Variants in CROCC2 observed in about 807,000 individuals in gnomAD.
CROCC2 encodes the protein ciliary rootlet coiled-coil, rootletin family member 2.
A neutral mutation model predicts 177.6 loss-of-function variants in CROCC2; 163 were observed. The ratio of observed to expected loss-of-function variants is 0.92; its 90% CI spans 0.81 to 1.05. CROCC2 has a LOEUF of 1.05. Among genes scored for constraint, CROCC2 ranks in the 50% least tolerant of loss-of-function variants. CROCC2 has a pLI of 0.00. For synonymous variants in CROCC2, 904 were observed against 787.3 expected (o/e 1.15, Z -2.48); for missense variants, 1,929 against 1,797.8 (o/e 1.07, Z -1.32).
chr2:240,959,297 G>A lies in CROCC2; in HGVS notation c.2944-4G>A, dbSNP rs938046069. 11 of 1,549,792 alleles carry A rather than the reference G, an allele frequency of 7.1e-6. No homozygotes were observed. Among genetic ancestry groups the A allele is most frequent in the South Asian group, 1.2e-5 (1 of 84,014 alleles). ...TGCCACCGTGGGCTCCCTTCTCCCCGCAGGCCACCATCAGTGCCACGACTG... is the reference window on the plus strand; with the variant it reads ...TGCCACCGTGGGCTCCCTTCTCCCCACAGGCCACCATCAGTGCCACGACTG... On this transcript the variant is annotated splice_region_variant and splice_polypyrimidine_tract_variant and intron_variant, in intron 19 of 31. Coordinates refer to ENST00000690015, the MANE Select transcript of CROCC2 (RefSeq NM_001351305.2).
At position 240,989,745 on chromosome 2, in the gene CROCC2, G is replaced by A. The variant is rs557569862; in HGVS notation, c.4775G>A (p.Arg1592His). The change falls in exon 30 of 32, where the codon CGT becomes CAT. Residue 1592 changes from arginine to histidine, a missense_variant. Physicochemically the swap from Arg to His is conservative, Grantham distance 29 (BLOSUM62 0). This residue lies in a region of CROCC2 where 388 missense variants were observed against 352.7 expected (regional missense o/e 1.10). Coordinates refer to ENST00000690015, the MANE Select transcript of CROCC2 (RefSeq NM_001351305.2). ...CGGGACCTGGCCACAGAGGCAGAGCGTCTCCATGGGGCCCGGCCGCAGGCC... is the reference window on the plus strand; with the variant it reads ...CGGGACCTGGCCACAGAGGCAGAGCATCTCCATGGGGCCCGGCCGCAGGCC... The part of the protein sequence containing the change: ...HQRDLATEAE[R>H]LHGARPQATQ... The A allele has an allele frequency of 9.4e-5, 145 of 1,550,358 alleles. No homozygotes were observed. The highest frequency in any genetic ancestry group is 2.0e-4 in the African/African-American group (15 of 73,192).
rs188708075 is a variant in CROCC2, at chr2:240,993,217, A to G, written c.*136A>G. On this transcript the variant is annotated 3_prime_UTR_variant, in exon 32 of 32. Transcript: ENST00000690015. ...GAGACAGCTCGCTCTCGGCAGTTTCAGGACCCTCCTTGCCCTGGCTGCTCA... is the reference window on the plus strand; with the variant it reads ...GAGACAGCTCGCTCTCGGCAGTTTCGGGACCCTCCTTGCCCTGGCTGCTCA... 4,692 of 629,598 alleles carry G rather than the reference A, an allele frequency of 7.5e-3. 42 individuals carry two copies. Among genetic ancestry groups the G allele is most frequent in the Non-Finnish European group, 7.9e-3 (2,659 of 336,856 alleles). 39.0% of individuals were successfully genotyped at this position (629,598 alleles called of 1,614,324 possible).
intron 4 of CROCC2, among the ~76,000 whole-genome samples, chr2:240,923,524 C>T (rs1299399929): frequency 1.8e-5 from 1 of 54,850 alleles, no homozygotes. Flanking sequence ...ACTAACCCAG[C>T]CCCCCACACT....
chr2:240,964,118 G>T, intron 21 of CROCC2: 1 of 534,406 alleles, frequency 1.9e-6, no homozygotes, highest in Non-Finnish European at 3.4e-6. Flanking sequence ...AGGCCCCTGT[G>T]GGGCAGCTGG....
chr2:240,918,818 C>T lies in CROCC2; in HGVS notation c.171C>T (p.Pro57=), dbSNP rs116685065. 9 of 624,314 alleles carry T rather than the reference C, an allele frequency of 1.4e-5. No homozygotes were observed. Among genetic ancestry groups the T allele is most frequent in the East Asian group, 3.0e-5 (1 of 33,550 alleles). The allele number at this position is 624,314 out of a possible 1,614,324, so 38.7% of individuals were successfully genotyped here. The change falls in exon 2 of 32, where the codon CCC becomes CCT. Residue 57 remains proline (P), a synonymous_variant. Coordinates refer to ENST00000690015, the MANE Select transcript of CROCC2 (RefSeq NM_001351305.2). This position sits in a 1 kb window ranked among gnomAD's most constrained non-coding sequence, Gnocchi z 6.3. ...AAGGCCGGCAGGCCTCGCCCACCCCCGTGCCCACCCGCATCCGTGAGATCG... is the reference window on the plus strand; with the variant it reads ...AAGGCCGGCAGGCCTCGCCCACCCCTGTGCCCACCCGCATCCGTGAGATCG... The part of the protein sequence containing the change: ...RGEGRQASPT[P]VPTRIREIVA...
At chr2:240,963,411 C>T (rs1201355040) in intron 20 of CROCC2, 145 bp from the exon 21 acceptor site, 1 of 824,024 alleles carries the variant, frequency 1.2e-6, no homozygotes. Flanking sequence ...GGATTGGTGG[C>T]TCCATGGGGT....
At position 240,964,529 on chromosome 2, in the gene CROCC2, G is replaced by A. The variant is rs185664112; in HGVS notation, c.3369G>A (p.Ala1123=). Residue 1123 remains alanine (A), a synonymous_variant, in exon 22 of 32, where the codon GCG becomes GCA. Coordinates refer to ENST00000690015, the MANE Select transcript of CROCC2 (RefSeq NM_001351305.2). The part of the protein sequence containing the change: ...KLLILEEAQA[A]LQQEASALRA... Reference sequence around the variant, plus strand: ...TCATCCTGGAGGAGGCCCAGGCGGCGTTGCAGCAGGAGGCCAGTGCACTGC... The same window carrying A: ...TCATCCTGGAGGAGGCCCAGGCGGCATTGCAGCAGGAGGCCAGTGCACTGC... 2.8e-4 allele frequency: 435 copies of A among 1,549,422 alleles called. 1 individual carries two copies. The African/African-American group carries it at 4.8e-3, about 17-fold the overall frequency.
rs112149369 is a variant in CROCC2 at position 240,935,443 on chromosome 2, C to T, written c.2024C>T (p.Ala675Val). Residue 675 changes from alanine (A) to valine (V), a missense_variant, in exon 14 of 32, where the codon GCG becomes GTG. By Grantham distance (64) the Ala-to-Val change is moderately conservative. Transcript: ENST00000690015. ...CGGGCCGGGGAGCAGCTGGCACAGG[C>T]GGAGCAGCAGCTGGCGCTGGAGCGG... ...RARAGEQLAQ[A>V]EQQLALERAE... 7.6e-5 allele frequency: 104 copies of T among 1,367,836 alleles called. No homozygotes were observed. The highest frequency in any genetic ancestry group is 5.5e-4 in the African/African-American group (36 of 66,008). 84.7% of individuals were successfully genotyped at this position (1,367,836 alleles called of 1,614,324 possible).
At chr2:240,930,110 TC>T (rs1424927609) in intron 5 of CROCC2, 55 bp from the exon 6 acceptor site, 2 of 525,206 alleles carry the variant, frequency 3.8e-6, no homozygotes, top group African/African-American at 3.8e-5. Context: ...AGAGTGGGCT[TC>T]AGGGAGGGTA....
chr2:240,927,528 T>C (rs770201223), intron 5 of CROCC2, among the ~76,000 whole-genome samples: 14 of 152,238 alleles, frequency 9.2e-5, no homozygotes, highest in Non-Finnish European at 1.9e-4. Context: ...CAGTTTTCTC[T>C]TCTGATGTCT....
chr2:240,969,647 G>A (rs2059708232), intron 27 of CROCC2, among the ~76,000 whole-genome samples: 1 of 152,240 alleles, frequency 6.6e-6, no homozygotes, highest in Non-Finnish European at 1.5e-5. Context: ...TTCATTTTAT[G>A]TGTATAGTCA....
At chr2:240,963,832 C>T (rs984288848) in intron 21 of CROCC2, 59 bp downstream of exon 21, 4 of 1,515,436 alleles carry the variant, frequency 2.6e-6, no homozygotes, top group Admixed American at 4.0e-5. Flanking sequence ...CCACCCAGGC[C>T]GTAGGGAGGA....
At chr2:240,929,568 G>A (rs1445704541) in intron 5 of CROCC2, 9 of 430,776 alleles carry the variant, frequency 2.1e-5, no homozygotes, top group Admixed American at 9.8e-5. Context: ...CCTTGTCTCG[G>A]TTGTGGCTTC....
chr2:240,940,207 C>G (rs1463715080), intron 14 of CROCC2, among the ~76,000 whole-genome samples: 1 of 152,110 alleles, frequency 6.6e-6, no homozygotes, highest in Non-Finnish European at 1.5e-5. Context: ...TAGATCTCCC[C>G]TTAGTTTCTT....
In CROCC2 at chr2:240,959,624, C is replaced by T. The variant is rs181892420; in HGVS notation, c.3087+180C>T. ...AGCCATAGGGGCATGGGACAAGGGG[C>T]CCTCACACCACGCACTAAGCCAAGC... On this transcript the variant is annotated intron_variant, in intron 20 of 31. Transcript: ENST00000690015. 36 of 750,878 alleles carry T rather than the reference C, an allele frequency of 4.8e-5. 2 individuals are homozygous for T. In the East Asian group the frequency reaches 5.6e-4, roughly 12 times the overall value. 46.5% of individuals were successfully genotyped at this position (750,878 alleles called of 1,614,324 possible).
intron 4 of CROCC2, 89 bp from the exon 5 acceptor site, chr2:240,925,635 C>T: frequency 4.8e-6 from 3 of 623,644 alleles, no homozygotes; most frequent in Non-Finnish European, 8.8e-6. Flanking sequence ...GTTTGGGGTT[C>T]CATTCAAGCC....
In CROCC2 at chr2:240,919,938, G is replaced by A. The variant is rs1279024456; in HGVS notation, c.230-45G>A. The A allele has an allele frequency of 5.6e-6, 4 of 711,752 alleles. No individual in the cohort carries two copies. The African/African-American group carries it at 7.0e-5, about 12-fold the overall frequency. The allele number at this position is 711,752 out of a possible 1,614,324, so 44.1% of individuals were successfully genotyped here. A position where few individuals can be genotyped will look rare whatever the true frequency, so the allele number is the denominator to read the frequency against. ...AGACAGGGCACAAGGCTGAGTGTGGGTGGGCCCTGGTCTGGCCACCCAGGC... is the reference window on the plus strand; with the variant it reads ...AGACAGGGCACAAGGCTGAGTGTGGATGGGCCCTGGTCTGGCCACCCAGGC... On this transcript the variant is annotated intron_variant, in intron 2 of 31. Coordinates refer to ENST00000690015, the MANE Select transcript of CROCC2 (RefSeq NM_001351305.2).
chr2:240,982,181 C>G lies in CROCC2; in HGVS notation c.4402-699C>G, dbSNP rs1189279019. 1 of 152,060 alleles carries G rather than the reference C, an allele frequency of 6.6e-6. No individual in the cohort carries two copies. Among genetic ancestry groups the G allele is most frequent in the Non-Finnish European group, 1.5e-5 (1 of 68,086 alleles). The allele number at this position is 152,060 out of a possible 1,614,324, so 9.4% of individuals were successfully genotyped here. A position where few individuals can be genotyped will look rare whatever the true frequency, so the allele number is the denominator to read the frequency against. On this transcript the variant is annotated intron_variant, in intron 27 of 31. Coordinates refer to ENST00000690015, the MANE Select transcript of CROCC2 (RefSeq NM_001351305.2). This position sits in a 1 kb window ranked among gnomAD's most constrained non-coding sequence, Gnocchi z 4.7. ...GCCCAGAGCAAGGCAGTGGCATGGC[C>G]GATGATAGTCAAGTGAAATGCACCC...
rs1295875563 is a variant in CROCC2 at position 240,959,500 on chromosome 2, G to T, written c.3087+56G>T. On this transcript the variant is annotated intron_variant, in intron 20 of 31. Coordinates refer to ENST00000690015, the MANE Select transcript of CROCC2 (RefSeq NM_001351305.2). ...ATGCCAGAGGACAGGAGAAAGCAGG[G>T]CAGGTACCAAGAGAGGAGAGAGTGG... 3.3e-6 allele frequency: 5 copies of T among 1,533,162 alleles called. No homozygotes were observed. The Admixed American group carries it at 1.0e-4, about 31-fold the overall frequency. 95.0% of individuals were successfully genotyped at this position (1,533,162 alleles called of 1,614,324 possible).
Sources: gnomAD v4.1 joint callset for allele counts (sites outside exome capture counted in the v4.1 genomes callset) on GRCh38, gnomAD v4.1.1 for gene constraint, gnomAD v4.1.1 regional missense constraint, Gnocchi (gnomAD v3.1) non-coding constraint, MANE v1.5 for transcripts, NCBI Gene and HGNC (gene_info 2026-07-23, HGNC 2026-07-21) for gene names.